The following ATP8A1 variants were observed in gnomAD, a reference collection of about 807,000 sequenced individuals.
The protein encoded by ATP8A1 is phospholipid-transporting ATPase IA.
A neutral mutation model predicts 177.7 loss-of-function variants in ATP8A1; 90 were observed. That is an observed-to-expected ratio of 0.51 (90% confidence interval 0.43 to 0.60). ATP8A1 has a LOEUF of 0.60. ATP8A1 is among the 20% of genes least tolerant of loss of function. ATP8A1 has a pLI of 0.00. For synonymous variants in ATP8A1, 493 were observed against 485.9 expected (o/e 1.01, Z -0.19); for missense variants, 1,072 against 1,392.8 (o/e 0.77, Z 3.67).
chr4:42,492,296 GAAAAA>G (rs1003318406), intron 24 of ATP8A1, among the ~76,000 whole-genome samples: 1 of 150,046 alleles, frequency 6.7e-6, no homozygotes, highest in East Asian at 1.9e-4. Flanking sequence ...TCCCAGAAAG[GAAAAA>G]AAAATCAAAA....
intron 35 of ATP8A1, among the ~76,000 whole-genome samples, chr4:42,422,161 G>A (rs113460563): frequency 0.037 from 5,623 of 151,826 alleles, 148 homozygotes; most frequent in South Asian, 0.061. Flanking sequence ...GCTTGATTTC[G>A]GCTCACTACA....
chr4:42,622,649 G>GAC (rs1371577566), intron 4 of ATP8A1, among the ~76,000 whole-genome samples: 3 of 152,116 alleles, frequency 2.0e-5, no homozygotes, highest in Admixed American at 2.0e-4. Context: ...CTATGCATCT[G>GAC]ACAAAGGTCT....
chr4:42,434,795 T>C (rs1173449096), intron 33 of ATP8A1, among the ~76,000 whole-genome samples: 1 of 152,156 alleles, frequency 6.6e-6, no homozygotes, highest in Non-Finnish European at 1.5e-5. Context: ...GCTGGAAGGT[T>C]GGTAAAATGG....
At chr4:42,566,281 G>T (rs1274955100) in intron 15 of ATP8A1, among the ~76,000 whole-genome samples, 1 of 152,066 alleles carries the variant, frequency 6.6e-6, no homozygotes, top group Non-Finnish European at 1.5e-5. Flanking sequence ...ATAAGCTCAT[G>T]GGTTTTATAC....
At chr4:42,549,402 A>G (rs529729897) in intron 18 of ATP8A1, among the ~76,000 whole-genome samples, 1 of 152,090 alleles carries the variant, frequency 6.6e-6, no homozygotes, top group African/African-American at 2.4e-5. Flanking sequence ...TGAGAAAAGT[A>G]TACTAGAAAG....
intron 30 of ATP8A1, among the ~76,000 whole-genome samples, chr4:42,448,217 G>C (rs1405341157): frequency 6.6e-6 from 1 of 151,962 alleles, no homozygotes; most frequent in African/African-American, 2.4e-5. Flanking sequence ...CTTATTTCTG[G>C]CTTAATAGAA....
chr4:42,460,024 C>T (rs1482844288), intron 27 of ATP8A1, among the ~76,000 whole-genome samples: 1 of 152,132 alleles, frequency 6.6e-6, no homozygotes, highest in Non-Finnish European at 1.5e-5. Flanking sequence ...ATCTCCTGTC[C>T]TCGTGATCCA....
At chr4:42,501,386 A>T (rs1448303917) in intron 24 of ATP8A1, among the ~76,000 whole-genome samples, 3 of 152,344 alleles carry the variant, frequency 2.0e-5, no homozygotes, top group Admixed American at 2.0e-4. Context: ...ACTGGCTCAG[A>T]GAAGCTGATT....
intron 24 of ATP8A1, among the ~76,000 whole-genome samples, chr4:42,492,639 A>G (rs1722846682): frequency 6.6e-6 from 1 of 152,212 alleles, no homozygotes; most frequent in Non-Finnish European, 1.5e-5. Context: ...GTCTCCAGAA[A>G]TGTGGGAAAC....
At chr4:42,555,781 G>A (rs1324357493) in intron 16 of ATP8A1, among the ~76,000 whole-genome samples, 187 bp downstream of exon 16, 2 of 152,022 alleles carry the variant, frequency 1.3e-5, no homozygotes, top group East Asian at 1.9e-4. Flanking sequence ...CCAAAATCAC[G>A]CCATTGCACT....
chr4:42,605,259 T>C (rs1735683061), intron 5 of ATP8A1, among the ~76,000 whole-genome samples: 1 of 152,204 alleles, frequency 6.6e-6, no homozygotes. Flanking sequence ...CTCAGTTTTA[T>C]AAGTGACTAA....
intron 7 of ATP8A1, among the ~76,000 whole-genome samples, chr4:42,589,852 C>CTTTT (rs5857854): frequency 2.0e-5 from 3 of 150,028 alleles, no homozygotes; most frequent in South Asian, 2.1e-4. Context: ...TCTAATTCTA[C>CTTTT]TTTTTTTTTT....
chr4:42,502,055 T>TC (rs1723909752), intron 24 of ATP8A1, among the ~76,000 whole-genome samples: 1 of 152,150 alleles, frequency 6.6e-6, no homozygotes, highest in Non-Finnish European at 1.5e-5. Flanking sequence ...CTTTTTTTTT[T>TC]TCAAAAAAGA....
At chr4:42,514,049 C>A (rs1725273897) in intron 22 of ATP8A1, among the ~76,000 whole-genome samples, 1 of 152,180 alleles carries the variant, frequency 6.6e-6, no homozygotes. Context: ...TCCCTTTATT[C>A]TGGCCTACAG....
At position 42,485,886 on chromosome 4, in the gene ATP8A1, T is replaced by C. The variant is rs150741452; in HGVS notation, c.2152-218A>G. Among the ~76,000 whole-genome samples the C allele has an allele frequency of 5.9e-5, 9 of 152,322 alleles. No individual in the cohort carries two copies. The East Asian group carries it at 1.5e-3, about 26-fold the overall frequency. ...TTAGTTACTTGATTGAAGTCACACATCTGTTCCTAGCAGGGTTGGGACTAG... is the reference window on the plus strand; with the variant it reads ...TTAGTTACTTGATTGAAGTCACACACCTGTTCCTAGCAGGGTTGGGACTAG... On this transcript the variant is annotated intron_variant, in intron 24 of 36. Coordinates refer to ENST00000381668, the MANE Select transcript of ATP8A1 (RefSeq NM_006095.2).
At chr4:42,619,135 T>C (rs28713443) in intron 4 of ATP8A1, among the ~76,000 whole-genome samples, 34,198 of 151,280 alleles carry the variant, frequency 0.23, 4,317 homozygotes, top group Non-Finnish European at 0.29. Flanking sequence ...TTGCAACCTC[T>C]GCCTCCAGGG....
At chr4:42,569,288 G>A (rs1731675997) in intron 14 of ATP8A1, 83 bp from the exon 15 acceptor site, 1 of 1,109,574 alleles carries the variant, frequency 9.0e-7, no homozygotes, top group Non-Finnish European at 1.3e-6. Flanking sequence ...AAGAAGGGAA[G>A]TATAAAAAGA....
chr4:42,454,292 T>G (rs536055809), intron 29 of ATP8A1, among the ~76,000 whole-genome samples: 1 of 152,206 alleles, frequency 6.6e-6, no homozygotes, highest in African/African-American at 2.4e-5. Context: ...AACACCTGTT[T>G]CACTTTATTC....
chr4:42,615,991 T>A, intron 5 of ATP8A1, 42 bp downstream of exon 5: 2 of 1,549,074 alleles, frequency 1.3e-6, no homozygotes, highest in Non-Finnish European at 1.8e-6. Context: ...ATACTACAAG[T>A]AGGTTTGACA....
Sources: allele counts gnomAD v4.1 joint callset (sites outside exome capture counted in the v4.1 genomes callset), GRCh38; gene constraint gnomAD v4.1.1; transcripts MANE v1.5; gene names NCBI Gene and HGNC (gene_info 2026-07-23, HGNC 2026-07-21).